Variants in ERBB4 observed in about 807,000 individuals in gnomAD.
ERBB4 encodes the protein receptor tyrosine-protein kinase erbB-4.
Under a neutral mutation model 158.0 loss-of-function variants are expected in ERBB4, and 42 were observed. The observed-to-expected ratio is 0.27, with a 90% CI of 0.21 to 0.34. The LOEUF (loss-of-function observed/expected upper bound fraction) is 0.34, where lower values mean the gene tolerates loss of function less well. Among genes scored for constraint, ERBB4 ranks in the 10% least tolerant of loss-of-function variants. The probability of loss-of-function intolerance (pLI) is 1.00; values close to 1 mark genes in which losing one functional copy is unlikely to be tolerated. For missense variants in ERBB4, 1,333 were observed against 1,624.1 expected, an observed-to-expected ratio of 0.82 and a Z score of 3.08; for synonymous variants, 583 against 558.7, an observed-to-expected ratio of 1.04 and a Z score of -0.61.
intron 9 of ERBB4, among the ~76,000 whole-genome samples, chr2:211,709,170 T>A (rs67044368): frequency 1.0e-4 from 15 of 150,392 alleles, no homozygotes; most frequent in African/African-American, 3.7e-4. Context: ...CCATTTTTTA[T>A]TGCATTTATT....
chr2:212,493,553 C>A (rs1690399361), intron 1 of ERBB4, among the ~76,000 whole-genome samples: 1 of 151,590 alleles, frequency 6.6e-6, no homozygotes, highest in Non-Finnish European at 1.5e-5. Flanking sequence ...ATTTAGGATA[C>A]AGATTACTTC....
At chr2:211,802,037 AT>A (rs2076509979) in intron 3 of ERBB4, among the ~76,000 whole-genome samples, 1 of 152,154 alleles carries the variant, frequency 6.6e-6, no homozygotes, top group African/African-American at 2.4e-5. Context: ...AGGCGGGCGG[AT>A]CACGAGGTCA....
intron 3 of ERBB4, among the ~76,000 whole-genome samples, chr2:211,814,528 T>C (rs2076834379): frequency 6.6e-6 from 1 of 152,022 alleles, no homozygotes; most frequent in Non-Finnish European, 1.5e-5. Flanking sequence ...TCAACAATAT[T>C]TAAATTACAA....
At chr2:211,950,968 A>G (rs1202908187) in intron 2 of ERBB4, among the ~76,000 whole-genome samples, 1 of 152,160 alleles carries the variant, frequency 6.6e-6, no homozygotes, top group Admixed American at 6.6e-5. Context: ...TTATACATAC[A>G]TTCTGACATC....
intron 1 of ERBB4, among the ~76,000 whole-genome samples, chr2:212,291,712 A>G (rs1574613992): frequency 6.6e-6 from 1 of 152,232 alleles, no homozygotes; most frequent in Admixed American, 6.5e-5. Context: ...TTTCTGAGTT[A>G]CAAAGTCTGA....
At chr2:212,000,991 G>A (rs1196609185) in intron 2 of ERBB4, among the ~76,000 whole-genome samples, 1 of 151,756 alleles carries the variant, frequency 6.6e-6, no homozygotes, top group Non-Finnish European at 1.5e-5. Context: ...ATATCTCAGT[G>A]GAAAATAAAT....
chr2:212,160,094 C>G (rs1391163865), intron 1 of ERBB4, among the ~76,000 whole-genome samples: 1 of 151,936 alleles, frequency 6.6e-6, no homozygotes, highest in Non-Finnish European at 1.5e-5. Flanking sequence ...TATTCTCCGG[C>G]TAAACCCCTA....
chr2:212,191,976 A>T (rs2082261417), intron 1 of ERBB4, among the ~76,000 whole-genome samples: 1 of 103,966 alleles, frequency 9.6e-6, no homozygotes, highest in East Asian at 2.5e-4. Context: ...GTTATATGTT[A>T]TATATGTTAT....
At chr2:211,914,067 A>C (rs965826898) in intron 3 of ERBB4, among the ~76,000 whole-genome samples, 1 of 144,934 alleles carries the variant, frequency 6.9e-6, no homozygotes, top group Non-Finnish European at 1.5e-5. Flanking sequence ...AAAAAAAAAA[A>C]CAAGGAGTCT....
intron 2 of ERBB4, among the ~76,000 whole-genome samples, chr2:211,978,577 C>G (rs2081698767): frequency 6.6e-6 from 1 of 152,188 alleles, no homozygotes; most frequent in Admixed American, 6.5e-5. Context: ...GCATGTGCCA[C>G]TATACCCAGC....
intron 19 of ERBB4, among the ~76,000 whole-genome samples, chr2:211,600,045 T>C (rs1237298242): frequency 6.6e-6 from 1 of 152,160 alleles, no homozygotes. Flanking sequence ...GTCCAAAGAA[T>C]GTATAGTGCT....
intron 2 of ERBB4, among the ~76,000 whole-genome samples, chr2:212,032,233 G>C (rs983750172): frequency 1.3e-5 from 2 of 152,042 alleles, no homozygotes; most frequent in Non-Finnish European, 2.9e-5. Context: ...AATTGGAAGT[G>C]ACACTGTAGA....
chr2:211,955,645 A>T lies in ERBB4; in HGVS notation c.235-8029T>A, dbSNP rs78304086. On this transcript the variant is annotated intron_variant, in intron 2 of 27. Transcript: ENST00000342788. ...AGTATATTCTCATAACAAGTAGCTG[A>T]ATCTCAGCCAATCATAGCAGCCAGG... 7.2e-3 allele frequency among the ~76,000 whole-genome samples: 1,091 copies of T among 152,262 alleles called. 14 individuals are homozygous for T. Among genetic ancestry groups the T allele is most frequent in the African/African-American group, 0.024 (1,001 of 41,558 alleles).
intron 3 of ERBB4, among the ~76,000 whole-genome samples, chr2:211,800,768 A>G (rs980707962): frequency 3.4e-4 from 52 of 152,010 alleles, no homozygotes; most frequent in African/African-American, 1.2e-3. Flanking sequence ...GTAGATGCAG[A>G]GGAAAAGGCA....
intron 20 of ERBB4, among the ~76,000 whole-genome samples, chr2:211,520,466 A>G (rs1359296030): frequency 3.3e-5 from 5 of 152,122 alleles, no homozygotes; most frequent in African/African-American, 4.8e-5. Context: ...TACTGCCTGC[A>G]AACTAAGAAT....
At chr2:211,814,002 TAC>T (rs959396126) in intron 3 of ERBB4, among the ~76,000 whole-genome samples, 1 of 152,152 alleles carries the variant, frequency 6.6e-6, no homozygotes, top group African/African-American at 2.4e-5. Context: ...ATCAATTAAT[TAC>T]ACATTATGTA....
intron 2 of ERBB4, among the ~76,000 whole-genome samples, chr2:212,012,763 TA>T (rs2076419958): frequency 6.6e-6 from 1 of 152,052 alleles, no homozygotes; most frequent in Non-Finnish European, 1.5e-5. Flanking sequence ...TTTCATTTTT[TA>T]AGACAGGTCT....
chr2:212,081,304 TC>T (rs2078435551), intron 2 of ERBB4, among the ~76,000 whole-genome samples: 1 of 152,136 alleles, frequency 6.6e-6, no homozygotes, highest in Non-Finnish European at 1.5e-5. Flanking sequence ...TGCTTTGTAA[TC>T]CTCTTCTAGA....
chr2:211,551,654 T>C (rs2067101722), intron 20 of ERBB4, among the ~76,000 whole-genome samples: 1 of 152,206 alleles, frequency 6.6e-6, no homozygotes. Flanking sequence ...AGACTATTAT[T>C]TTTTAAATTT....
Sources: allele counts gnomAD v4.1 joint callset (sites outside exome capture counted in the v4.1 genomes callset), GRCh38; gene constraint gnomAD v4.1.1; transcripts MANE v1.5; gene names NCBI Gene and HGNC (gene_info 2026-07-23, HGNC 2026-07-21).